Variants in PHF24 observed in about 807,000 individuals in gnomAD.
The protein encoded by PHF24 is Galpha inhibitory interacting protein.
PHF24 carries 25 observed loss-of-function variants against 42.6 expected under a neutral mutation model. The ratio of observed to expected loss-of-function variants is 0.59; its 90% CI spans 0.43 to 0.82. The LOEUF is 0.82. Ranked by LOEUF, PHF24 falls within the 40% of genes least tolerant of loss-of-function variation. The pLI is 0.00. For synonymous variants in PHF24, 185 were observed against 204.8 expected (o/e 0.90, Z 0.83); for missense variants, 470 against 538.1 (o/e 0.87, Z 1.25).
At chr9:34,911,444 A>ATG in the PHF24 span, among the ~76,000 whole-genome samples, 2 of 152,014 alleles carry the variant, frequency 1.3e-5, no homozygotes, top group South Asian at 2.1e-4. Flanking sequence ...TAGTAGAGGC[A>ATG]GGGTTTCACC....
At chr9:34,976,498 A>G in intron 4 of PHF24, 37 bp from the exon 5 acceptor site, 1 of 1,587,682 alleles carries the variant, frequency 6.3e-7, no homozygotes, top group South Asian at 1.1e-5. Context: ...GAGGCTGAGG[A>G]AGGATGGGCA....
the PHF24 span, among the ~76,000 whole-genome samples, chr9:34,948,986 G>A: frequency 6.6e-6 from 1 of 152,152 alleles, no homozygotes; most frequent in Non-Finnish European, 1.5e-5. Flanking sequence ...CCCAAAGGTA[G>A]CATCACAATC....
chr9:34,966,582 C>G (rs191226928), intron 1 of PHF24, among the ~76,000 whole-genome samples: 2 of 150,510 alleles, frequency 1.3e-5, no homozygotes, highest in Non-Finnish European at 3.0e-5. Context: ...ATGGCGAGAC[C>G]CCCCCCCTCG....
chr9:34,848,200 G>A, the PHF24 span, among the ~76,000 whole-genome samples: 12 of 151,456 alleles, frequency 7.9e-5, no homozygotes, highest in East Asian at 1.9e-4. Context: ...TGTACCTCTG[G>A]TAGAATTCGG....
At chr9:34,896,271 G>A in the PHF24 span, among the ~76,000 whole-genome samples, 2 of 152,204 alleles carry the variant, frequency 1.3e-5, no homozygotes, top group African/African-American at 4.8e-5. Flanking sequence ...GATTTTTAAT[G>A]CCACCAGCAA....
the PHF24 span, among the ~76,000 whole-genome samples, chr9:34,748,863 G>C: frequency 1.3e-5 from 2 of 151,864 alleles, no homozygotes; most frequent in South Asian, 4.2e-4. Flanking sequence ...ATGAAATAAG[G>C]CACCAGGGAC....
chr9:34,671,460 C>A, the PHF24 span, among the ~76,000 whole-genome samples: 6 of 152,340 alleles, frequency 3.9e-5, no homozygotes, highest in East Asian at 1.2e-3. Flanking sequence ...GCCTATGCTG[C>A]ACTTGCACTG....
chr9:34,689,767 A>G, the PHF24 span: 1 of 1,610,594 alleles, frequency 6.2e-7, no homozygotes, highest in Non-Finnish European at 8.5e-7. The surrounding 1 kb of genome is among the most constrained non-coding windows in gnomAD (Gnocchi z 4.1). Context: ...AGGTTAGGTA[A>G]TAATTCACAA....
At chr9:34,678,952 T>C in the PHF24 span, among the ~76,000 whole-genome samples, 2 of 152,214 alleles carry the variant, frequency 1.3e-5, no homozygotes, top group African/African-American at 4.8e-5. Context: ...TCTATTCCAT[T>C]AGTTCTGTCC....
At chr9:34,749,641 A>G in the PHF24 span, among the ~76,000 whole-genome samples, 1 of 147,294 alleles carries the variant, frequency 6.8e-6, no homozygotes, top group African/African-American at 2.5e-5. Flanking sequence ...GTTCTGGGAT[A>G]CATGTGCAGA....
At chr9:34,750,783 G>GA in the PHF24 span, among the ~76,000 whole-genome samples, 1 of 151,508 alleles carries the variant, frequency 6.6e-6, no homozygotes, top group Non-Finnish European at 1.5e-5. Flanking sequence ...AGAAAGAAGG[G>GA]AAAAAAGGAA....
intron 4 of PHF24, 38 bp downstream of exon 4, chr9:34,976,268 G>T (rs181763935): frequency 6.5e-7 from 1 of 1,529,684 alleles, no homozygotes; most frequent in East Asian, 2.2e-5. Flanking sequence ...GAGAGGGGCC[G>T]GGCAGATTTC....
chr9:34,672,435 A>G, the PHF24 span, among the ~76,000 whole-genome samples: 1 of 152,058 alleles, frequency 6.6e-6, no homozygotes. Flanking sequence ...TGTATCTTAG[A>G]CCATTTTCTG....
chr9:34,746,403 G>A, the PHF24 span, among the ~76,000 whole-genome samples: 370 of 152,230 alleles, frequency 2.4e-3, 1 homozygote, highest in African/African-American at 7.9e-3. Context: ...ATAGATATTA[G>A]CAACCTAAAC....
the PHF24 span, among the ~76,000 whole-genome samples, chr9:34,787,787 C>T: frequency 6.6e-6 from 1 of 152,288 alleles, no homozygotes; most frequent in East Asian, 1.9e-4. Flanking sequence ...ATTTACTCCT[C>T]AACCCACTCT....
the PHF24 span, among the ~76,000 whole-genome samples, chr9:34,680,234 G>A: frequency 1.3e-5 from 2 of 152,116 alleles, no homozygotes; most frequent in Admixed American, 6.5e-5. Flanking sequence ...AATTAGCCAA[G>A]CATGGTGGGG....
chr9:34,894,189 AT>A, the PHF24 span, among the ~76,000 whole-genome samples: 3 of 152,122 alleles, frequency 2.0e-5, no homozygotes, highest in African/African-American at 7.2e-5. Flanking sequence ...TTTATGAATT[AT>A]ACACTAGTAC....
the PHF24 span, among the ~76,000 whole-genome samples, chr9:34,827,917 A>C: frequency 1.4e-4 from 21 of 151,948 alleles, no homozygotes; most frequent in African/African-American, 4.6e-4. Context: ...ATGCATTTAG[A>C]GCTTTTTCTG....
chr9:34,848,081 C>T, the PHF24 span, among the ~76,000 whole-genome samples: 2 of 151,844 alleles, frequency 1.3e-5, no homozygotes, highest in African/African-American at 4.8e-5. Context: ...TGTGTCTCTG[C>T]CCGGCTTTGG....
Sources: allele counts gnomAD v4.1 joint callset (sites outside exome capture counted in the v4.1 genomes callset), GRCh38; gene constraint gnomAD v4.1.1; non-coding constraint Gnocchi (gnomAD v3.1); transcripts MANE v1.5; gene names NCBI Gene and HGNC (gene_info 2026-07-23, HGNC 2026-07-21).